SNX9: variants seen among roughly 807,000 people sequenced by gnomAD.
SNX9 encodes the protein sorting nexin 9, also known as sorting nexin-9.
SNX9 carries 44 observed loss-of-function variants against 89.4 expected under a neutral mutation model. That is an observed-to-expected ratio of 0.49 (90% CI 0.39 to 0.63). The LOEUF (loss-of-function observed/expected upper bound fraction) is 0.63, where lower values mean the gene tolerates loss of function less well. Among genes scored for constraint, SNX9 ranks in the 30% least tolerant of loss-of-function variants. The pLI, the probability that SNX9 is intolerant of heterozygous loss-of-function variation, is 0.00. For missense variants in SNX9, 578 were observed against 736.1 expected (o/e 0.79, Z 2.49); for synonymous variants, 236 against 247.8 (o/e 0.95, Z 0.45).
At chr6:157,872,267 C>T (rs2115139399) in intron 2 of SNX9, among the ~76,000 whole-genome samples, 1 of 152,128 alleles carries the variant, frequency 6.6e-6, no homozygotes, top group Non-Finnish European at 1.5e-5. Flanking sequence ...TACAATTTTT[C>T]CTTTGATCAT....
At chr6:157,935,434 G>T (rs140551137) in intron 13 of SNX9, among the ~76,000 whole-genome samples, 180 of 152,228 alleles carry the variant, frequency 1.2e-3, no homozygotes, top group African/African-American at 3.3e-3. Context: ...AGGGGAGTGT[G>T]TGACATATCA....
chr6:157,886,543 A>G (rs1471179578), intron 4 of SNX9, among the ~76,000 whole-genome samples: 1 of 152,230 alleles, frequency 6.6e-6, no homozygotes, highest in African/African-American at 2.4e-5. Flanking sequence ...ACATACAGAT[A>G]TAAATTGTAT....
At chr6:157,927,298 C>A in intron 11 of SNX9, 84 bp downstream of exon 11, 1 of 898,250 alleles carries the variant, frequency 1.1e-6, no homozygotes, top group Non-Finnish European at 1.8e-6. Context: ...GTAGCCGCAG[C>A]CGAAACTCAA....
At chr6:157,935,530 A>T (rs1783905867) in intron 13 of SNX9, among the ~76,000 whole-genome samples, 1 of 152,188 alleles carries the variant, frequency 6.6e-6, no homozygotes, top group Non-Finnish European at 1.5e-5. Context: ...GGTGCAGGGA[A>T]AAAAGGGGCC....
intron 1 of SNX9, among the ~76,000 whole-genome samples, chr6:157,859,197 A>C (rs146471322): frequency 1.3e-3 from 194 of 152,378 alleles, no homozygotes; most frequent in African/African-American, 4.5e-3. Context: ...AAGAAATATA[A>C]TGAGAAACGT....
At chr6:157,924,108 G>T (rs1783639958) in intron 10 of SNX9, among the ~76,000 whole-genome samples, 1 of 152,088 alleles carries the variant, frequency 6.6e-6, no homozygotes, top group African/African-American at 2.4e-5. Context: ...TGAAGCAGGA[G>T]AATCGTTGGA....
chr6:157,840,997 A>G (rs979829106), intron 1 of SNX9, among the ~76,000 whole-genome samples: 2 of 152,184 alleles, frequency 1.3e-5, no homozygotes, highest in African/African-American at 4.8e-5. Flanking sequence ...TCAGCGACTC[A>G]CTGCATTTCT....
chr6:157,920,906 A>T (rs1242314862), intron 9 of SNX9, among the ~76,000 whole-genome samples: 1 of 152,264 alleles, frequency 6.6e-6, no homozygotes, highest in Non-Finnish European at 1.5e-5. Flanking sequence ...CAGAATAGCA[A>T]CTTCCATTAT....
intron 10 of SNX9, among the ~76,000 whole-genome samples, chr6:157,923,793 A>G (rs1448384191): frequency 6.6e-6 from 1 of 152,226 alleles, no homozygotes; most frequent in East Asian, 1.9e-4. Context: ...TATGACAAAG[A>G]TGGCACTGGG....
At chr6:157,867,091 G>C (rs1782279454) in intron 1 of SNX9, among the ~76,000 whole-genome samples, 1 of 152,100 alleles carries the variant, frequency 6.6e-6, no homozygotes, top group African/African-American at 2.4e-5. Flanking sequence ...TGGTACTACA[G>C]GTGCTGGCTA....
chr6:157,900,068 C>G (rs1281238139), intron 5 of SNX9, among the ~76,000 whole-genome samples: 1 of 152,106 alleles, frequency 6.6e-6, no homozygotes, highest in African/African-American at 2.4e-5. Flanking sequence ...AACTTTGTAC[C>G]TTTGACCTGC....
In SNX9 at chr6:157,884,602, C is replaced by G. The variant is rs570882600; in HGVS notation, c.300+9426C>G. ...ATCTCTTCACTCTCACTCCCACCCC[C>G]CCGTATGAATTCTTTTTAGTTGGTA... On this transcript the variant is annotated intron_variant, in intron 4 of 17. Coordinates refer to ENST00000392185, the MANE Select transcript of SNX9 (RefSeq NM_016224.5). Among the ~76,000 whole-genome samples, 48 of 152,178 alleles carry G rather than the reference C, an allele frequency of 3.2e-4. No homozygotes were observed. The East Asian group carries it at 5.4e-3, about 17-fold the overall frequency.
chr6:157,932,059 G>A (rs1783822227), intron 12 of SNX9, 136 bp from the exon 13 acceptor site: 1 of 674,202 alleles, frequency 1.5e-6, no homozygotes, highest in African/African-American at 1.8e-5. Context: ...AATCACTTTT[G>A]CAACAGTATT....
chr6:157,877,451 G>A (rs1426386100), intron 4 of SNX9, among the ~76,000 whole-genome samples: 1 of 152,198 alleles, frequency 6.6e-6, no homozygotes, highest in African/African-American at 2.4e-5. Flanking sequence ...TCTGCCCTCT[G>A]TTATCTGGGA....
chr6:157,934,313 GGAGA>G (rs35760729), intron 13 of SNX9: 12 of 151,952 alleles, frequency 7.9e-5, no homozygotes, highest in Admixed American at 1.3e-4. Context: ...TTATAGGGAA[GGAGA>G]GAGAGAGATG....
Position 157,875,161 on chromosome 6 carries a change from C to T in SNX9, c.285C>T (p.Ala95=). 6.2e-7 allele frequency: 1 copy of T among 1,608,786 alleles called. No homozygotes were observed. Among genetic ancestry groups the T allele is most frequent in the African/African-American group, 1.3e-5 (1 of 74,910 alleles). Residue 95 remains alanine, a synonymous_variant, in exon 4 of 18, where the codon GCC becomes GCT. Coordinates refer to ENST00000392185, the MANE Select transcript of SNX9 (RefSeq NM_016224.5). ...CAGCTCAGGCCAGTTCGTCGGCTGCCAGCAACAATCACCAGGTACGTCTCA... is the reference window on the plus strand; with the variant it reads ...CAGCTCAGGCCAGTTCGTCGGCTGCTAGCAACAATCACCAGGTACGTCTCA... ...ASTAQASSSA[A]SNNHQVGSGN... is the part of the protein sequence containing the mutation.
chr6:157,942,812 G>A lies in SNX9; in HGVS notation c.1762G>A (p.Ala588Thr), dbSNP rs1162745738. 1 of 1,613,998 alleles carries A rather than the reference G, an allele frequency of 6.2e-7. No individual in the cohort carries two copies. The highest frequency in any genetic ancestry group is 1.1e-5 in the South Asian group (1 of 91,006). Reference protein sequence around the residue: ...YETIAEKLRQALSRFPVM With the variant: ...YETIAEKLRQTLSRFPVM ...TCAGATTGCAGAAAAGCTGAGGCAG[G>A]CCCTCAGCCGCTTTCCAGTGATGTA... Residue 588 changes from alanine to threonine, a missense_variant, in exon 18 of 18, where the codon GCC (alanine) becomes ACC (threonine). Coordinates refer to ENST00000392185, the MANE Select transcript of SNX9 (RefSeq NM_016224.5).
chr6:157,939,144 GAAAA>G (rs138711054), intron 16 of SNX9, among the ~76,000 whole-genome samples: 1 of 148,012 alleles, frequency 6.8e-6, no homozygotes, highest in Non-Finnish European at 1.5e-5. Flanking sequence ...TTTGTGTCAA[GAAAA>G]AAAAAAGATG....
intron 1 of SNX9, among the ~76,000 whole-genome samples, chr6:157,840,452 C>CTTCCTTTCTTTCCT (rs761038626): frequency 0.054 from 7,930 of 147,556 alleles, 235 homozygotes; most frequent in South Asian, 0.098. Flanking sequence ...CTTTCCTTTC[C>CTTCCTTTCTTTCCT]TTCCTTCCTT....
Sources: gnomAD v4.1 joint callset for allele counts (sites outside exome capture counted in the v4.1 genomes callset) on GRCh38, gnomAD v4.1.1 for gene constraint, MANE v1.5 for transcripts, NCBI Gene and HGNC (gene_info 2026-07-23, HGNC 2026-07-21) for gene names.